Variants in VEGFC observed in about 807,000 individuals in gnomAD.
The protein encoded by VEGFC is vascular endothelial growth factor C.
A neutral mutation model predicts 46.1 loss-of-function variants in VEGFC; 12 were observed. The observed-to-expected ratio is 0.26, with a 90% CI of 0.17 to 0.42. The LOEUF (loss-of-function observed/expected upper bound fraction) is 0.42. Ranked by LOEUF, VEGFC falls within the 10% of genes least tolerant of loss-of-function variation. The pLI is 1.00. For synonymous variants in VEGFC, 232 were observed against 195.5 expected, an observed-to-expected ratio of 1.19 and a Z score of -1.56; for missense variants, 488 against 529.4, an observed-to-expected ratio of 0.92 and a Z score of 0.77.
At chr4:176,774,080 T>C (rs186998821) in intron 1 of VEGFC, among the ~76,000 whole-genome samples, 1,660 of 152,190 alleles carry the variant, frequency 0.011, 22 homozygotes, top group Middle Eastern at 0.099. Flanking sequence ...ATTAAATAAA[T>C]GACAAGTTAG....
chr4:176,745,361 C>A, intron 1 of VEGFC, among the ~76,000 whole-genome samples: 1 of 152,106 alleles, frequency 6.6e-6, no homozygotes, highest in East Asian at 1.9e-4. Context: ...GACAATCAGG[C>A]ATTCCATGTG....
intron 4 of VEGFC, among the ~76,000 whole-genome samples, chr4:176,692,915 T>C (rs1018456330): frequency 6.1e-5 from 9 of 147,074 alleles, no homozygotes; most frequent in Non-Finnish European, 1.2e-4. Context: ...CAGCTGAGGG[T>C]CCTGTCTGTT....
intron 4 of VEGFC, chr4:176,689,619 T>G (rs1734112269): frequency 6.6e-6 from 1 of 152,226 alleles, no homozygotes; most frequent in African/African-American, 2.4e-5. Flanking sequence ...TTGACCTTTC[T>G]TTGTCCCTTC....
intron 1 of VEGFC, among the ~76,000 whole-genome samples, chr4:176,780,807 C>T (rs1421139260): frequency 6.6e-6 from 1 of 152,110 alleles, no homozygotes; most frequent in Non-Finnish European, 1.5e-5. Context: ...TAGCACTGCT[C>T]CTAGTTTTAG....
intron 1 of VEGFC, among the ~76,000 whole-genome samples, chr4:176,739,572 A>C (rs1247620641): frequency 6.6e-6 from 1 of 151,798 alleles, no homozygotes; most frequent in African/African-American, 2.4e-5. Context: ...GGAGGGAACA[A>C]CACACACTGG....
intron 4 of VEGFC, among the ~76,000 whole-genome samples, chr4:176,709,381 G>T (rs903656885): frequency 6.6e-5 from 10 of 152,148 alleles, no homozygotes; most frequent in African/African-American, 2.4e-4. Flanking sequence ...AAACTTACTG[G>T]AAACACTCTC....
At chr4:176,709,368 T>C (rs1299801398) in intron 4 of VEGFC, among the ~76,000 whole-genome samples, 3 of 152,148 alleles carry the variant, frequency 2.0e-5, no homozygotes, top group East Asian at 3.9e-4. Flanking sequence ...TTGCAGACAA[T>C]ATAAACTTAC....
chr4:176,697,250 A>T (rs1311217447), intron 4 of VEGFC, among the ~76,000 whole-genome samples: 6 of 149,368 alleles, frequency 4.0e-5, no homozygotes, highest in Non-Finnish European at 9.0e-5. Context: ...CAAAGGGCTA[A>T]TATCCAGAAT....
intron 4 of VEGFC, among the ~76,000 whole-genome samples, chr4:176,710,394 T>C (rs1734602059): frequency 6.6e-6 from 1 of 152,118 alleles, no homozygotes; most frequent in Non-Finnish European, 1.5e-5. Context: ...TTCACAAATG[T>C]CTGTAAGATC....
At chr4:176,741,370 T>C (rs1203039594) in intron 1 of VEGFC, among the ~76,000 whole-genome samples, 1 of 152,004 alleles carries the variant, frequency 6.6e-6, no homozygotes, top group Non-Finnish European at 1.5e-5. Context: ...ATGAAAATTA[T>C]ATTGGAACAT....
At chr4:176,702,858 T>A (rs1453244606) in intron 4 of VEGFC, among the ~76,000 whole-genome samples, 9 of 152,124 alleles carry the variant, frequency 5.9e-5, no homozygotes, top group Admixed American at 3.9e-4. Flanking sequence ...GTTTATTTAA[T>A]GGAATGCTAT....
chr4:176,768,491 C>CATATATATATATATAT (rs145504348), intron 1 of VEGFC, among the ~76,000 whole-genome samples: 15,089 of 100,000 alleles, frequency 0.15, 1,765 homozygotes, highest in Non-Finnish European at 0.21. Flanking sequence ...ATGTTTTATA[C>CATATATATATATATAT]ATATATATAT....
chr4:176,772,017 T>G (rs74982467), intron 1 of VEGFC, among the ~76,000 whole-genome samples: 1,672 of 152,248 alleles, frequency 0.011, 22 homozygotes, highest in Middle Eastern at 0.099. Context: ...AAGAAAAGAA[T>G]GAGCACGTTG....
At chr4:176,707,686 C>A (rs1734557181) in intron 4 of VEGFC, among the ~76,000 whole-genome samples, 1 of 152,052 alleles carries the variant, frequency 6.6e-6, no homozygotes, top group African/African-American at 2.4e-5. Flanking sequence ...TTCCTTAATA[C>A]TTAAATTCTA....
chr4:176,792,453 G>C lies in VEGFC; in HGVS notation c.-142C>G, dbSNP rs1032351394. On this transcript the variant is annotated 5_prime_UTR_variant, in exon 1 of 7. Coordinates refer to ENST00000618562, the MANE Select transcript of VEGFC (RefSeq NM_005429.5). The surrounding 1 kb of genome is among the most constrained non-coding windows in gnomAD (Gnocchi z 6.3). ...GACCCCCCCTGGGCGAGCCGGAGGC[G>C]GCGGGAGCGGGTCCGGGGCTCCGCG... 1.8e-6 allele frequency: 1 copy of C among 564,938 alleles called. No homozygotes were observed. The highest frequency in any genetic ancestry group is 4.6e-5 in the South Asian group (1 of 21,942). The allele number at this position is 564,938 out of a possible 1,614,324, so 35.0% of individuals were successfully genotyped here. A position where few individuals can be genotyped will look rare whatever the true frequency, so the allele number is the denominator to read the frequency against.
At chr4:176,763,402 G>A (rs1051444092) in intron 1 of VEGFC, among the ~76,000 whole-genome samples, 2 of 152,064 alleles carry the variant, frequency 1.3e-5, no homozygotes, top group Non-Finnish European at 2.9e-5. Context: ...ATGATATTAA[G>A]ATAAAGCAAG....
chr4:176,688,347 G>T (rs1046830569), intron 4 of VEGFC, among the ~76,000 whole-genome samples: 1 of 152,094 alleles, frequency 6.6e-6, no homozygotes, highest in African/African-American at 2.4e-5. Flanking sequence ...CCATACAAAA[G>T]ATGTACCATT....
At chr4:176,710,803 G>T (rs1173495922) in intron 4 of VEGFC, among the ~76,000 whole-genome samples, 1 of 152,006 alleles carries the variant, frequency 6.6e-6, no homozygotes, top group Non-Finnish European at 1.5e-5. Context: ...GTCAGAACAT[G>T]ATCATACAGG....
intron 3 of VEGFC, among the ~76,000 whole-genome samples, chr4:176,717,933 A>G (rs1406291201): frequency 1.3e-5 from 2 of 152,272 alleles, no homozygotes; most frequent in African/African-American, 2.4e-5. Flanking sequence ...AAGAAAATGG[A>G]ATAACAGATA....
Sources: allele counts gnomAD v4.1 joint callset (sites outside exome capture counted in the v4.1 genomes callset), GRCh38; gene constraint gnomAD v4.1.1; non-coding constraint Gnocchi (gnomAD v3.1); transcripts MANE v1.5; gene names NCBI Gene and HGNC (gene_info 2026-07-23, HGNC 2026-07-21).